SLC45A2: variants seen among roughly 807,000 people sequenced by gnomAD.
The protein encoded by SLC45A2 is solute carrier family 45 member 2.
In SLC45A2, 36 loss-of-function variants were observed where a neutral mutation model predicts 45.5. That is an observed-to-expected ratio of 0.79 (90% CI 0.61 to 1.04). SLC45A2 has a LOEUF of 1.04. Ranked by LOEUF, SLC45A2 falls within the 50% of genes least tolerant of loss-of-function variation. The probability of loss-of-function intolerance (pLI) is 0.00; values close to 1 mark genes in which losing one functional copy is unlikely to be tolerated. For synonymous variants in SLC45A2, 306 were observed against 269.3 expected (o/e 1.14, Z -1.33); for missense variants, 719 against 671.0 (o/e 1.07, Z -0.79).
At chr5:33,944,978 C>T (rs1209808349) in intron 6 of SLC45A2, 106 bp from the exon 7 acceptor site, 5 of 1,050,688 alleles carry the variant, frequency 4.8e-6, no homozygotes, top group East Asian at 2.6e-5. Flanking sequence ...ATACCTTTGG[C>T]TTCGTGGATT....
At position 33,963,717 on chromosome 5, in the gene SLC45A2, C is replaced by T; in HGVS notation, c.862G>A (p.Ala288Thr). The change falls in exon 3 of 7, where the codon GCA becomes ACA. Residue 288 changes from alanine to threonine, a missense_variant. Transcript: ENST00000296589. The part of the protein sequence containing the change: ...YVNPELAMQG[A>T]KNKNHAEQTR... ...TGTTCAGCATGATTTTTGTTTTTTG[C>T]TCCCTGCATTGCCAGCTCTGGATTT... The T allele has an allele frequency of 1.2e-6, 2 of 1,613,974 alleles. No homozygotes were observed. Among genetic ancestry groups the T allele is most frequent in the South Asian group, 1.1e-5 (1 of 91,078 alleles).
At chr5:33,946,129 C>G in intron 6 of SLC45A2, 1 of 985,358 alleles carries the variant, frequency 1.0e-6, no homozygotes, top group Non-Finnish European at 1.2e-6. Flanking sequence ...TTTCTCTGAG[C>G]CTGAAGCGTA....
chr5:33,975,876 T>G (rs999752456), intron 2 of SLC45A2, among the ~76,000 whole-genome samples: 9 of 152,158 alleles, frequency 5.9e-5, no homozygotes, highest in African/African-American at 1.9e-4. Context: ...TGTAGGCTCT[T>G]TCCCCATTCC....
Position 33,944,794 on chromosome 5 carries a change from C to T in SLC45A2, c.1447G>A (p.Val483Met). 6.2e-7 allele frequency: 1 copy of T among 1,614,208 alleles called. No homozygotes were observed. ...CCGACCAGGATCTGAGCCAGCTGCA[C>T]CATGCATGTGAGGGTGGCGCAGTCC... ...GMDCATLTCM[V>M]QLAQILVGGG... is the part of the protein sequence containing the mutation. The change falls in exon 7 of 7, where the codon GTG (valine) becomes ATG (methionine). Residue 483 changes from valine (V) to methionine (M), a missense_variant. Physicochemically the swap from Val to Met is conservative, Grantham distance 21. Transcript: ENST00000296589.
intron 6 of SLC45A2, 59 bp downstream of exon 6, chr5:33,947,104 T>C: frequency 6.2e-7 from 1 of 1,614,072 alleles, no homozygotes; most frequent in South Asian, 1.1e-5. Flanking sequence ...TACCAAATCC[T>C]CCCCAGCCTT....
chr5:33,945,198 T>G (rs1209712032), intron 6 of SLC45A2, among the ~76,000 whole-genome samples: 1 of 152,262 alleles, frequency 6.6e-6, no homozygotes, highest in Non-Finnish European at 1.5e-5. Context: ...CACAAGATAT[T>G]AACCTTCTTT....
chr5:33,963,801 A>G lies in SLC45A2; in HGVS notation c.778T>C (p.Leu260=). The G allele has an allele frequency of 1.2e-6, 2 of 1,614,158 alleles. No homozygotes were observed. Among genetic ancestry groups the G allele is most frequent in the Non-Finnish European group, 1.7e-6 (2 of 1,180,026 alleles). ...PPQQTPQDPP[L]SSDGMYEYGS... is the part of the protein sequence containing the mutation. ...TACTCGTACATTCCATCTGATGACA[A>G]TGGAGGGTCCTGAGGGGTTTGCTGT... The change falls in exon 3 of 7, where the codon TTG becomes CTG. Residue 260 remains leucine (L), a synonymous_variant. Transcript: ENST00000296589.
Position 33,946,047 on chromosome 5 carries a change from C to T in SLC45A2, c.1368+1116G>A, listed in dbSNP as rs1218308994. On this transcript the variant is annotated intron_variant, in intron 6 of 6. Coordinates refer to ENST00000296589, the MANE Select transcript of SLC45A2 (RefSeq NM_016180.5). Reference sequence around the variant, plus strand: ...AAAATGAACTCATTCTAAGTGCTAACTAATAAACAAGTAAATAACATCCCC... The same window carrying T: ...AAAATGAACTCATTCTAAGTGCTAATTAATAAACAAGTAAATAACATCCCC... 3.0e-6 allele frequency: 3 copies of T among 985,306 alleles called. No individual in the cohort carries two copies. In the African/African-American group the frequency reaches 5.2e-5, roughly 17 times the overall value. 61.0% of individuals were successfully genotyped at this position (985,306 alleles called of 1,614,324 possible).
chr5:33,952,533 A>T (rs867545393), intron 4 of SLC45A2, among the ~76,000 whole-genome samples: 17 of 152,108 alleles, frequency 1.1e-4, no homozygotes, highest in Middle Eastern at 3.4e-3. Flanking sequence ...TCCAAGTCAC[A>T]GTAAAGCAAA....
intron 5 of SLC45A2, among the ~76,000 whole-genome samples, chr5:33,950,524 T>A (rs763440092): frequency 3.0e-4 from 45 of 152,226 alleles, no homozygotes; most frequent in Admixed American, 1.0e-3. Flanking sequence ...TTGGGCTAAA[T>A]TTTTAAGAGG....
chr5:33,964,113 G>T, intron 2 of SLC45A2, 97 bp from the exon 3 acceptor site: 1 of 1,198,872 alleles, frequency 8.3e-7, no homozygotes, highest in Non-Finnish European at 1.2e-6. Flanking sequence ...ACTCCCTGAA[G>T]ACAGCAGAGG....
intron 2 of SLC45A2, among the ~76,000 whole-genome samples, chr5:33,974,653 G>T (rs889030630): frequency 5.9e-5 from 9 of 152,200 alleles, no homozygotes; most frequent in Admixed American, 5.9e-4. Context: ...TGCAAAGACA[G>T]GGCAGAGGGA....
intron 5 of SLC45A2, among the ~76,000 whole-genome samples, chr5:33,950,018 T>C (rs1752050638): frequency 6.6e-6 from 1 of 151,684 alleles, no homozygotes; most frequent in East Asian, 1.9e-4. Context: ...GGAGACCCCA[T>C]CTCTAAAAAA....
intron 3 of SLC45A2, among the ~76,000 whole-genome samples, chr5:33,957,925 G>A (rs1752327458): frequency 6.6e-6 from 1 of 152,182 alleles, no homozygotes; most frequent in Non-Finnish European, 1.5e-5. Context: ...AGCTGAGAGT[G>A]TAAATATTCA....
chr5:33,971,153 T>C (rs1170252922), intron 2 of SLC45A2: 2 of 530,914 alleles, frequency 3.8e-6, no homozygotes, highest in African/African-American at 3.9e-5. Context: ...GGAACAAGAG[T>C]TGCTTTGGAT....
intron 2 of SLC45A2, 83 bp downstream of exon 2, chr5:33,982,153 C>G (rs369422043): frequency 1.3e-6 from 2 of 1,513,108 alleles, no homozygotes; most frequent in Non-Finnish European, 9.2e-7. Flanking sequence ...AAAAACTCCA[C>G]GTGTAGAGAC....
At chr5:33,978,395 T>C (rs1752988364) in intron 2 of SLC45A2, among the ~76,000 whole-genome samples, 1 of 152,174 alleles carries the variant, frequency 6.6e-6, no homozygotes, top group Non-Finnish European at 1.5e-5. Flanking sequence ...GGGATTTTTT[T>C]TCCTGTAGAG....
intron 5 of SLC45A2, among the ~76,000 whole-genome samples, 167 bp from the exon 6 acceptor site, chr5:33,947,541 AAC>A (rs1260989615): frequency 6.6e-6 from 1 of 152,212 alleles, no homozygotes; most frequent in Non-Finnish European, 1.5e-5. Context: ...TGGCTTTTGG[AAC>A]CATTTTAAAG....
intron 3 of SLC45A2, among the ~76,000 whole-genome samples, chr5:33,955,321 G>A (rs1046265781): frequency 1.3e-5 from 2 of 152,318 alleles, no homozygotes; most frequent in Non-Finnish European, 2.9e-5. Context: ...TTCCCACTGA[G>A]CTTCCAGATG....
Sources: gnomAD v4.1 joint callset for allele counts (sites outside exome capture counted in the v4.1 genomes callset) on GRCh38, gnomAD v4.1.1 for gene constraint, MANE v1.5 for transcripts, NCBI Gene and HGNC (gene_info 2026-07-23, HGNC 2026-07-21) for gene names.